TMEM260: variants seen among roughly 807,000 people sequenced by gnomAD.
The protein encoded by TMEM260 is protein O-mannosyl-transferase TMEM260.
In TMEM260, 82 loss-of-function variants were observed where a neutral mutation model predicts 88.9. The ratio of observed to expected loss-of-function variants is 0.92; its 90% CI spans 0.77 to 1.11. The LOEUF is 1.11. Ranked by LOEUF, TMEM260 falls within the 50% of genes least tolerant of loss-of-function variation. TMEM260 has a pLI of 0.00. For synonymous variants in TMEM260, 314 were observed against 309.3 expected, an observed-to-expected ratio of 1.02 and a Z score of -0.16; for missense variants, 902 against 853.4, an observed-to-expected ratio of 1.06 and a Z score of -0.71.
intron 3 of TMEM260, among the ~76,000 whole-genome samples, chr14:56,593,901 A>G (rs1410076400): frequency 1.3e-5 from 2 of 150,750 alleles, no homozygotes; most frequent in African/African-American, 4.9e-5. Flanking sequence ...GTTAGCCAGG[A>G]TGGTCTCGAT....
intron 14 of TMEM260, among the ~76,000 whole-genome samples, chr14:56,635,782 T>C (rs2139633996): frequency 6.6e-6 from 1 of 152,268 alleles, no homozygotes; most frequent in African/African-American, 2.4e-5. Flanking sequence ...AAAGAGCTTA[T>C]ATAAGTTTAA....
chr14:56,601,580 C>T (rs561330246), intron 3 of TMEM260, among the ~76,000 whole-genome samples: 2 of 152,164 alleles, frequency 1.3e-5, no homozygotes, highest in East Asian at 3.9e-4. Flanking sequence ...AACTTTTACC[C>T]ACTAGTTTTG....
At chr14:56,600,618 A>C (rs912667277) in intron 3 of TMEM260, among the ~76,000 whole-genome samples, 1 of 152,184 alleles carries the variant, frequency 6.6e-6, no homozygotes, top group Non-Finnish European at 1.5e-5. Context: ...TGCAAATCCA[A>C]ACTTCAGTGA....
chr14:56,650,826 A>C (rs1178358182), downstream of TMEM260, among the ~76,000 whole-genome samples: 2 of 152,156 alleles, frequency 1.3e-5, no homozygotes, highest in Non-Finnish European at 2.9e-5. Flanking sequence ...ATCCCTCAGA[A>C]TTTTTAAATG....
chr14:56,607,366 TG>T (rs1297446991), intron 5 of TMEM260, among the ~76,000 whole-genome samples: 12 of 152,222 alleles, frequency 7.9e-5, no homozygotes, highest in Admixed American at 6.5e-4. Context: ...TTTCAGAGCC[TG>T]GACTAAGGGC....
Position 56,647,562 on chromosome 14 carries a change from T to C in TMEM260, c.*65T>C, listed in dbSNP as rs1890046583. 1 of 1,502,592 alleles carries C rather than the reference T, an allele frequency of 6.7e-7. No individual in the cohort carries two copies. Among genetic ancestry groups the C allele is most frequent in the East Asian group, 2.3e-5 (1 of 44,040 alleles). The allele number at this position is 1,502,592 out of a possible 1,614,324, so 93.1% of individuals were successfully genotyped here. The stretch of plus-strand genomic sequence containing the variant: ...CAAAATTCTGAAGTCTGGAAGTTTT[T>C]CCTTCAAGAAAAGAAACTGCATAAA... On this transcript the variant is annotated 3_prime_UTR_variant, in exon 16 of 16. Coordinates refer to ENST00000261556, the MANE Select transcript of TMEM260 (RefSeq NM_017799.4).
At position 56,634,970 on chromosome 14, in the gene TMEM260, T is replaced by G; in HGVS notation, c.1778+18T>G. The G allele has an allele frequency of 6.2e-7, 1 of 1,611,828 alleles. No individual in the cohort carries two copies. The highest frequency in any genetic ancestry group is 8.5e-7 in the Non-Finnish European group (1 of 1,177,934). The stretch of plus-strand genomic sequence containing the variant: ...CAAGCGAGGTGACTATTCTACATTT[T>G]TGTGTGTGCAGTCTATTTTTAATAT... On this transcript the variant is annotated intron_variant, in intron 14 of 15. Coordinates refer to ENST00000261556, the MANE Select transcript of TMEM260 (RefSeq NM_017799.4).
intron 4 of TMEM260, among the ~76,000 whole-genome samples, chr14:56,604,573 GTGT>G (rs545078690): frequency 9.9e-4 from 150 of 152,252 alleles, no homozygotes; most frequent in Admixed American, 3.0e-3. Flanking sequence ...AGGCAGCTTT[GTGT>G]TGTTAAAGAG....
At chr14:56,592,422 G>A (rs900866343) in intron 3 of TMEM260, among the ~76,000 whole-genome samples, 19 of 152,118 alleles carry the variant, frequency 1.2e-4, no homozygotes, top group Admixed American at 7.9e-4. Flanking sequence ...TACCTGGCAC[G>A]TGTTAGATAC....
Position 56,585,847 on chromosome 14 carries a change from C to T in TMEM260, c.279C>T (p.Arg93=), listed in dbSNP as rs140895546. The part of the protein sequence containing the change: ...TLFPFGSIAY[R]VNLLCGLFGA... ...TTCCTTTTGGTTCAATTGCCTACCG[C>T]GTCAATCTTCTCTGTGGCTTATTTG... The change falls in exon 3 of 16, where the codon CGC becomes CGT. Residue 93 remains arginine (R), a synonymous_variant. Coordinates refer to ENST00000261556, the MANE Select transcript of TMEM260 (RefSeq NM_017799.4). 129 of 1,613,480 alleles carry T rather than the reference C, an allele frequency of 8.0e-5. No homozygotes were observed. In the African/African-American group the frequency reaches 1.3e-3, roughly 16 times the overall value.
intron 3 of TMEM260, among the ~76,000 whole-genome samples, chr14:56,602,955 A>G (rs1008551950): frequency 6.6e-6 from 1 of 152,200 alleles, no homozygotes; most frequent in Non-Finnish European, 1.5e-5. Flanking sequence ...TTCTAACACT[A>G]TTAGAAATAG....
At chr14:56,599,950 T>G (rs1371771058) in intron 3 of TMEM260, among the ~76,000 whole-genome samples, 3 of 152,174 alleles carry the variant, frequency 2.0e-5, no homozygotes, top group African/African-American at 7.2e-5. Context: ...TTTGAATAAT[T>G]TTTCTTCCAA....
intron 3 of TMEM260, among the ~76,000 whole-genome samples, chr14:56,589,721 C>T (rs549542822): frequency 2.6e-5 from 4 of 152,206 alleles, no homozygotes; most frequent in East Asian, 3.9e-4. Flanking sequence ...GTATTTAACT[C>T]ATGGATTTTG....
At chr14:56,628,873 A>G (rs1475682131) in intron 12 of TMEM260, among the ~76,000 whole-genome samples, 2 of 150,424 alleles carry the variant, frequency 1.3e-5, no homozygotes, top group Non-Finnish European at 1.5e-5. Flanking sequence ...ATCTTTTTTT[A>G]GATTAGTTGA....
At chr14:56,633,432 A>C in intron 13 of TMEM260, 1 of 289,210 alleles carries the variant, frequency 3.5e-6, no homozygotes, top group Non-Finnish European at 6.5e-6. Context: ...GGCACCTTCT[A>C]CTTCCAAGTC....
the TMEM260 span, among the ~76,000 whole-genome samples, chr14:56,662,861 G>T: frequency 6.6e-6 from 1 of 152,196 alleles, no homozygotes; most frequent in African/African-American, 2.4e-5. Flanking sequence ...GGGCACCCTG[G>T]CTACGCCTGT....
At chr14:56,584,278 C>T (rs574877988) in intron 1 of TMEM260, among the ~76,000 whole-genome samples, 1 of 152,202 alleles carries the variant, frequency 6.6e-6, no homozygotes, top group African/African-American at 2.4e-5. Flanking sequence ...TGATTCCTTA[C>T]ATTGTACGGT....
At chr14:56,625,617 AC>A in intron 12 of TMEM260, 87 bp downstream of exon 12, 1 of 1,042,410 alleles carries the variant, frequency 9.6e-7, no homozygotes, top group Non-Finnish European at 1.4e-6. Context: ...CATCCAAAAG[AC>A]CAATTTTCTC....
rs10142496 is a variant in TMEM260 at position 56,647,854 on chromosome 14, T to C, written c.*357T>C. 6,717 of 175,002 alleles carry C rather than the reference T, an allele frequency of 0.038. 209 individuals are homozygous for C. Among genetic ancestry groups the C allele is most frequent in the Middle Eastern group, 0.094 (33 of 352 alleles). The allele number at this position is 175,002 out of a possible 1,614,324, so 10.8% of individuals were successfully genotyped here. On this transcript the variant is annotated 3_prime_UTR_variant, in exon 16 of 16. Coordinates refer to ENST00000261556, the MANE Select transcript of TMEM260 (RefSeq NM_017799.4). ...ATGAACTGTGTAAGGGCCATGCTTA[T>C]TGGGATCAGTTTTAAAGTTAAATTC... is the stretch of plus-strand genomic sequence containing the variant.
Sources: gnomAD v4.1 joint callset for allele counts (sites outside exome capture counted in the v4.1 genomes callset) on GRCh38, gnomAD v4.1.1 for gene constraint, MANE v1.5 for transcripts, NCBI Gene and HGNC (gene_info 2026-07-23, HGNC 2026-07-21) for gene names.